The following NFASC variants were observed in gnomAD, a reference collection of about 807,000 sequenced individuals.
NFASC encodes the protein neurofascin.
Under a neutral mutation model 147.5 loss-of-function variants are expected in NFASC, and 43 were observed. That is an observed-to-expected ratio of 0.29 (90% confidence interval 0.23 to 0.38). NFASC has a LOEUF of 0.38. Among genes scored for constraint, NFASC ranks in the 10% least tolerant of loss-of-function variants. The pLI is 1.00. For synonymous variants in NFASC, 622 were observed against 665.5 expected, an observed-to-expected ratio of 0.93 and a Z score of 1.01; for missense variants, 1,320 against 1,689.0, an observed-to-expected ratio of 0.78 and a Z score of 3.83.
At chr1:204,880,855 T>C (rs1192098254) in intron 1 of NFASC, among the ~76,000 whole-genome samples, 1 of 152,212 alleles carries the variant, frequency 6.6e-6, no homozygotes, top group African/African-American at 2.4e-5. Context: ...TGTCTTTGAA[T>C]GGATGTATCA....
intron 1 of NFASC, among the ~76,000 whole-genome samples, chr1:204,888,869 G>A (rs12238991): frequency 0.047 from 7,200 of 152,256 alleles, 520 homozygotes; most frequent in African/African-American, 0.16. Context: ...AGCAGTCTGG[G>A]GATCCACCAA....
At position 204,954,767 on chromosome 1, in the gene NFASC, T is replaced by G; in HGVS notation, c.413-62T>G. 1 of 1,592,838 alleles carries G rather than the reference T, an allele frequency of 6.3e-7. No homozygotes were observed. The highest frequency in any genetic ancestry group is 1.7e-5 in the Admixed American group (1 of 59,378). On this transcript the variant is annotated intron_variant, in intron 6 of 29. Transcript: ENST00000339876. This position sits in a 1 kb window ranked among gnomAD's most constrained non-coding sequence, Gnocchi z 5.7. ...CTCCTTGCATGCCTGCCTCTGACCC[T>G]GCTCCTTGCCCCGGGCCCAGCCATC...
At chr1:204,988,599 T>C in intron 22 of NFASC, 34 bp from the exon 23 acceptor site, 1 of 1,601,452 alleles carries the variant, frequency 6.2e-7, no homozygotes, top group Non-Finnish European at 8.6e-7. Flanking sequence ...TAAATGTTGC[T>C]AAAGTTTAAT....
intron 1 of NFASC, 27 bp downstream of exon 1, chr1:204,828,809 TG>T (rs1422402621): frequency 1.1e-5 from 11 of 985,148 alleles, no homozygotes; most frequent in Non-Finnish European, 1.3e-5. Context: ...ACCGGAGAGA[TG>T]GGGGTAGAGA....
intron 2 of NFASC, among the ~76,000 whole-genome samples, chr1:204,921,949 G>A (rs923641303): frequency 1.3e-5 from 2 of 151,970 alleles, no homozygotes; most frequent in African/African-American, 4.8e-5. Context: ...CTGACCTTAG[G>A]GCTTTTTCAC....
intron 1 of NFASC, among the ~76,000 whole-genome samples, chr1:204,859,558 A>G (rs536388554): frequency 6.6e-6 from 1 of 152,348 alleles, no homozygotes; most frequent in South Asian, 2.1e-4. Context: ...TGTGGAAAAC[A>G]TGAGACAGGT....
chr1:204,830,171 G>T (rs1029765855), intron 1 of NFASC, among the ~76,000 whole-genome samples: 1 of 152,184 alleles, frequency 6.6e-6, no homozygotes. Flanking sequence ...GCTGGGCCCT[G>T]CTGGGCCTCA....
In NFASC at chr1:204,981,742, G is replaced by A. The variant is rs753998484; in HGVS notation, c.2248-56G>A. On this transcript the variant is annotated intron_variant, in intron 20 of 29. Transcript: ENST00000339876. ...GCACAGCAAGAGAGGGCAAGCTGTG[G>A]GTGGATCTGGGCCCCTCTCTGGCAG... 5 of 1,155,274 alleles carry A rather than the reference G, an allele frequency of 4.3e-6. No homozygotes were observed. In the African/African-American group the frequency reaches 4.7e-5, roughly 11 times the overall value. The allele number at this position is 1,155,274 out of a possible 1,614,324, so 71.6% of individuals were successfully genotyped here.
chr1:204,925,066 G>T (rs11240312), intron 2 of NFASC, among the ~76,000 whole-genome samples: 7,877 of 152,196 alleles, frequency 0.052, 559 homozygotes, highest in African/African-American at 0.16. Context: ...ATAGAGACAG[G>T]GTTTCACTGT....
intron 26 of NFASC, 132 bp downstream of exon 26, chr1:205,001,418 T>C (rs2095982640): frequency 1.5e-6 from 1 of 649,408 alleles, no homozygotes; most frequent in South Asian, 1.8e-5. Context: ...GGCTTAATTA[T>C]GGCTTAATGA....
chr1:204,880,627 C>T (rs908810143), intron 1 of NFASC, among the ~76,000 whole-genome samples: 2 of 152,212 alleles, frequency 1.3e-5, no homozygotes, highest in Non-Finnish European at 1.5e-5. Flanking sequence ...GCTGGGATTA[C>T]AGACGTGATT....
chr1:204,843,726 C>G, intron 1 of NFASC, among the ~76,000 whole-genome samples: 1 of 146,820 alleles, frequency 6.8e-6, no homozygotes, highest in East Asian at 2.1e-4. Context: ...CTCTTTCTTT[C>G]ACGGAATTTC....
chr1:204,996,862 C>T (rs1038475317), intron 24 of NFASC, among the ~76,000 whole-genome samples: 12 of 152,148 alleles, frequency 7.9e-5, no homozygotes, highest in African/African-American at 2.2e-4. Flanking sequence ...GGGGTCTGAG[C>T]GATTCAGCCC....
intron 29 of NFASC, 28 bp downstream of exon 29, chr1:205,012,894 G>A (rs371855351): frequency 3.8e-6 from 6 of 1,562,702 alleles, no homozygotes; most frequent in African/African-American, 1.4e-5. Flanking sequence ...TCCTCTCTCA[G>A]GCAGGCTGTC....
At chr1:204,846,939 G>A (rs1018056185) in intron 1 of NFASC, among the ~76,000 whole-genome samples, 1 of 148,330 alleles carries the variant, frequency 6.7e-6, no homozygotes, top group African/African-American at 2.5e-5. Context: ...ACTGCTGCCT[G>A]TGTGTGTGTA....
At chr1:204,991,154 G>A in intron 23 of NFASC, 138 bp from the exon 24 acceptor site, 1 of 971,472 alleles carries the variant, frequency 1.0e-6, no homozygotes, top group Non-Finnish European at 1.6e-6. Context: ...CCAGCACCTG[G>A]CCACGCCGTC....
At chr1:204,899,922 C>A (rs1214816260) in intron 1 of NFASC, among the ~76,000 whole-genome samples, 5 of 152,150 alleles carry the variant, frequency 3.3e-5, no homozygotes, top group African/African-American at 1.2e-4. Context: ...TTTTAAAAAT[C>A]ATTTGAGCTT....
chr1:204,967,516 G>T (rs1247241522), intron 8 of NFASC, among the ~76,000 whole-genome samples: 1 of 152,066 alleles, frequency 6.6e-6, no homozygotes. Flanking sequence ...TTCCGGCCTA[G>T]TTGCATTATA....
chr1:204,962,044 C>A, intron 8 of NFASC: 1 of 1,280,400 alleles, frequency 7.8e-7, no homozygotes, highest in Admixed American at 1.7e-5. Flanking sequence ...TTTTCTCTCC[C>A]CGTTTATGCC....
Sources: gnomAD v4.1 joint callset for allele counts (sites outside exome capture counted in the v4.1 genomes callset) on GRCh38, gnomAD v4.1.1 for gene constraint, Gnocchi (gnomAD v3.1) non-coding constraint, MANE v1.5 for transcripts, NCBI Gene and HGNC (gene_info 2026-07-23, HGNC 2026-07-21) for gene names.